Variants in WDTC1 observed in about 807,000 individuals in gnomAD.
WDTC1 encodes WD and tetratricopeptide repeats 1.
In WDTC1, 12 loss-of-function variants were observed where a neutral mutation model predicts 76.0. That is an observed-to-expected ratio of 0.16 (90% CI 0.10 to 0.26). The LOEUF is 0.26. WDTC1 is among the 10% of genes least tolerant of loss of function. The probability of loss-of-function intolerance (pLI) is 1.00; values close to 1 mark genes in which losing one functional copy is unlikely to be tolerated. For missense variants in WDTC1, 511 were observed against 908.8 expected, an observed-to-expected ratio of 0.56 and a Z score of 5.63; for synonymous variants, 326 against 350.8, an observed-to-expected ratio of 0.93 and a Z score of 0.79.
At chr1:27,238,354 CAT>C (rs2011535981) in intron 1 of WDTC1, among the ~76,000 whole-genome samples, 1 of 152,164 alleles carries the variant, frequency 6.6e-6, no homozygotes, top group African/African-American at 2.4e-5. Context: ...GATTAAATGA[CAT>C]AATTTCCAAG....
intron 2 of WDTC1, among the ~76,000 whole-genome samples, chr1:27,262,883 G>T (rs1291562190): frequency 1.3e-5 from 2 of 151,010 alleles, no homozygotes; most frequent in African/African-American, 4.9e-5. Context: ...ATTCCCCATT[G>T]TTTCCAATTT....
chr1:27,281,160 A>G (rs2013176877), intron 3 of WDTC1, among the ~76,000 whole-genome samples: 1 of 151,980 alleles, frequency 6.6e-6, no homozygotes. Context: ...TAGGTGCTTG[A>G]TGAATAATTT....
intron 1 of WDTC1, among the ~76,000 whole-genome samples, chr1:27,239,479 G>T (rs141830541): frequency 0.035 from 4,843 of 140,350 alleles, 115 homozygotes; most frequent in Middle Eastern, 0.058. Context: ...CCAAGACTGC[G>T]CTACTGAACT....
intron 1 of WDTC1, among the ~76,000 whole-genome samples, chr1:27,235,167 G>C (rs1019574061): frequency 6.6e-6 from 1 of 151,944 alleles, no homozygotes. Flanking sequence ...GGGGCGGAGG[G>C]TTTGGTCGGG....
intron 6 of WDTC1, 42 bp from the exon 7 acceptor site, chr1:27,292,173 G>T (rs1233727607): frequency 3.5e-6 from 5 of 1,449,080 alleles, no homozygotes; most frequent in Non-Finnish European, 4.6e-6. Flanking sequence ...TTCCTCTCAA[G>T]GACCCCAAGC....
chr1:27,282,123 G>A, intron 3 of WDTC1, 116 bp from the exon 4 acceptor site: 1 of 1,015,852 alleles, frequency 9.8e-7, no homozygotes, highest in South Asian at 1.4e-5. Flanking sequence ...ACATGCACTT[G>A]GAAAATATTG....
intron 1 of WDTC1, among the ~76,000 whole-genome samples, chr1:27,235,747 C>T (rs1398282511): frequency 6.6e-6 from 1 of 152,034 alleles, no homozygotes; most frequent in East Asian, 1.9e-4. Flanking sequence ...GTACAGGGGC[C>T]TGTAACTAAT....
At position 27,303,790 on chromosome 1, in the gene WDTC1, T is replaced by C; in HGVS notation, c.1638T>C (p.Phe546=). Residue 546 remains phenylalanine (F), a synonymous_variant, in exon 14 of 16, where the codon TTT becomes TTC. Coordinates refer to ENST00000319394, the MANE Select transcript of WDTC1 (RefSeq NM_001276252.2). The surrounding 1 kb of genome is among the most constrained non-coding windows in gnomAD (Gnocchi z 4.8). ...TTTDIKEANF[F]GSNAQYIVSG... ...CGGATATCAAAGAGGCCAATTTCTT[T>C]GGCAGGTCCGAGGCCCTGAAGAGGA... 1.2e-6 allele frequency: 2 copies of C among 1,613,998 alleles called. No homozygotes were observed. The highest frequency in any genetic ancestry group is 1.3e-5 in the African/African-American group (1 of 75,032).
chr1:27,284,665 T>C (rs1484241278), intron 5 of WDTC1, among the ~76,000 whole-genome samples: 5 of 152,068 alleles, frequency 3.3e-5, no homozygotes, highest in Admixed American at 6.6e-5. Flanking sequence ...GCACAAGACA[T>C]TGATTTCTAA....
chr1:27,276,370 T>C (rs547001613), intron 3 of WDTC1, among the ~76,000 whole-genome samples: 2 of 152,324 alleles, frequency 1.3e-5, no homozygotes, highest in African/African-American at 4.8e-5. Context: ...CCAATTTGTC[T>C]GCATCCTTGC....
chr1:27,304,990 C>A lies in WDTC1; in HGVS notation c.1644-11C>A, dbSNP rs1269315887. On this transcript the variant is annotated splice_polypyrimidine_tract_variant and intron_variant, in intron 14 of 15. Coordinates refer to ENST00000319394, the MANE Select transcript of WDTC1 (RefSeq NM_001276252.2). Reference sequence around the variant, plus strand: ...CCCACCTGACCTCCCTGCCCTTTGCCCCCCCGCCAGCAACGCTCAGTATAT... The same window carrying A: ...CCCACCTGACCTCCCTGCCCTTTGCACCCCCGCCAGCAACGCTCAGTATAT... 2 of 1,607,908 alleles carry A rather than the reference C, an allele frequency of 1.2e-6. No homozygotes were observed. The highest frequency in any genetic ancestry group is 1.7e-6 in the Non-Finnish European group (2 of 1,175,632).
chr1:27,249,839 G>A (rs911270717), intron 1 of WDTC1, among the ~76,000 whole-genome samples: 28 of 152,232 alleles, frequency 1.8e-4, no homozygotes, highest in African/African-American at 5.3e-4. Flanking sequence ...CTCCCAAAGC[G>A]CTGGGATTAC....
intron 3 of WDTC1, among the ~76,000 whole-genome samples, chr1:27,279,399 G>A (rs2013127660): frequency 6.6e-6 from 1 of 152,140 alleles, no homozygotes; most frequent in Non-Finnish European, 1.5e-5. Flanking sequence ...TTAACCAGGT[G>A]TGGTGGCACG....
intron 5 of WDTC1, 112 bp from the exon 6 acceptor site, chr1:27,287,559 GCTC>G (rs2013376344): frequency 3.3e-6 from 4 of 1,223,800 alleles, no homozygotes; most frequent in Admixed American, 4.6e-5. Context: ...GCCTGCATGG[GCTC>G]ATTCTCTTAT....
intron 3 of WDTC1, among the ~76,000 whole-genome samples, chr1:27,264,608 A>G (rs1343709543): frequency 1.3e-5 from 2 of 151,806 alleles, no homozygotes; most frequent in African/African-American, 4.8e-5. Flanking sequence ...TTCTTCCTCA[A>G]CATCATGTGT....
At chr1:27,256,615 T>A (rs1270150427) in intron 1 of WDTC1, among the ~76,000 whole-genome samples, 3 of 152,246 alleles carry the variant, frequency 2.0e-5, no homozygotes, top group Admixed American at 1.3e-4. Context: ...TCATACACTT[T>A]CCACTACTGG....
In WDTC1 at chr1:27,301,646, A is replaced by G. The variant is rs2013834636; in HGVS notation, c.1468+185A>G. Among the ~76,000 whole-genome samples, 1 of 152,150 alleles carries G rather than the reference A, an allele frequency of 6.6e-6. No individual in the cohort carries two copies. Among genetic ancestry groups the G allele is most frequent in the African/African-American group, 2.4e-5 (1 of 41,430 alleles). ...GTGTTTCCTGGTCTGAAAAGGAGGC[A>G]TGCCAGCACCTCCCACTGAGCGTTT... On this transcript the variant is annotated intron_variant, in intron 13 of 15. Transcript: ENST00000319394. The surrounding 1 kb of genome is among the most constrained non-coding windows in gnomAD (Gnocchi z 5.8).
At chr1:27,251,488 G>C (rs892585421) in intron 1 of WDTC1, among the ~76,000 whole-genome samples, 7 of 151,966 alleles carry the variant, frequency 4.6e-5, no homozygotes, top group Non-Finnish European at 8.8e-5. Context: ...AATTCATTGA[G>C]TATCTACTAG....
In WDTC1 at chr1:27,292,540, A is replaced by C. The variant is rs376472525; in HGVS notation, c.662+143A>C. 1.4e-5 allele frequency: 10 copies of C among 723,908 alleles called. No individual in the cohort carries two copies. The East Asian group carries it at 3.0e-4, about 22-fold the overall frequency. The allele number at this position is 723,908 out of a possible 1,614,324, so 44.8% of individuals were successfully genotyped here. A position where few individuals can be genotyped will look rare whatever the true frequency, so the allele number is the denominator to read the frequency against. On this transcript the variant is annotated intron_variant, in intron 7 of 15. Coordinates refer to ENST00000319394, the MANE Select transcript of WDTC1 (RefSeq NM_001276252.2). Reference sequence around the variant, plus strand: ...CCTCCCAGGCTCAAGCGATCCTCCCATCTCAGCCTCTCAAGTAGCTGAGAC... The same window carrying C: ...CCTCCCAGGCTCAAGCGATCCTCCCCTCTCAGCCTCTCAAGTAGCTGAGAC...
Sources: allele counts gnomAD v4.1 joint callset (sites outside exome capture counted in the v4.1 genomes callset), GRCh38; gene constraint gnomAD v4.1.1; non-coding constraint Gnocchi (gnomAD v3.1); transcripts MANE v1.5; gene names NCBI Gene and HGNC (gene_info 2026-07-23, HGNC 2026-07-21).